The following PER1 variants were observed in gnomAD, a reference collection of about 807,000 sequenced individuals.
PER1 encodes period circadian protein homolog 1.
PER1 carries 87 observed loss-of-function variants against 125.9 expected under a neutral mutation model. The observed-to-expected ratio is 0.69, with a 90% CI of 0.58 to 0.83. The LOEUF (loss-of-function observed/expected upper bound fraction) is 0.83, where lower values mean the gene tolerates loss of function less well. Ranked by LOEUF, PER1 falls within the 40% of genes least tolerant of loss-of-function variation. The pLI is 0.00. For synonymous variants in PER1, 801 were observed against 714.7 expected, an observed-to-expected ratio of 1.12 and a Z score of -1.93; for missense variants, 1,775 against 1,722.8, an observed-to-expected ratio of 1.03 and a Z score of -0.54.
Position 8,150,432 on chromosome 17 carries a change from C to G in PER1, c.275G>C (p.Ser92Thr). 3 of 1,609,242 alleles carry G rather than the reference C, an allele frequency of 1.9e-6. No individual in the cohort carries two copies. Among genetic ancestry groups the G allele is most frequent in the Non-Finnish European group, 2.5e-6 (3 of 1,177,270 alleles). ...ALLETTESSK[S>T]TNSQSPSPPS... Reference sequence around the variant, plus strand: ...ACCCAACATACACATCCATACACACCTCTTGCTGCTCTCAGTGGTCTCCAG... The same window carrying G: ...ACCCAACATACACATCCATACACACGTCTTGCTGCTCTCAGTGGTCTCCAG... Residue 92 changes from serine (S) to threonine (T), a missense_variant and splice_region_variant, in exon 2 of 23, where the codon AGC (serine) becomes ACC (threonine). By Grantham distance (58) the Ser-to-Thr change is moderately conservative (BLOSUM62 1). Transcript: ENST00000317276.
chr17:8,145,464 C>G (rs1329242032), intron 17 of PER1, among the ~76,000 whole-genome samples: 1 of 151,936 alleles, frequency 6.6e-6, no homozygotes, highest in African/African-American at 2.4e-5. Flanking sequence ...GCTGGGACTA[C>G]AGGCGCGCGC....
At chr17:8,149,213 CAAAAAA>C (rs78404230) in intron 7 of PER1, 40 bp downstream of exon 7, 3 of 381,004 alleles carry the variant, frequency 7.9e-6, no homozygotes, top group African/African-American at 9.1e-5. Context: ...AAAACAAAAA[CAAAAAA>C]AAAAGGAGGC....
rs1982796207 is a variant in PER1 at position 8,150,590 on chromosome 17, G to A, written c.117C>T (p.Pro39=). ...TGGCATCGGTGTCATCGGCCAGGCT[G>A]GGGCCTGGGCAAGGCCGGTGCTGTG... is the stretch of plus-strand genomic sequence containing the variant. ...GPPQHRPCPG[P]SLADDTDANS... Residue 39 remains proline (P), a synonymous_variant, in exon 2 of 23, where the codon CCC becomes CCT. Transcript: ENST00000317276. 6.2e-7 allele frequency: 1 copy of A among 1,614,014 alleles called. No homozygotes were observed. Among genetic ancestry groups the A allele is most frequent in the Non-Finnish European group, 8.5e-7 (1 of 1,179,984 alleles).
chr17:8,147,028 C>T, intron 13 of PER1, 26 bp from the exon 14 acceptor site: 1 of 1,585,044 alleles, frequency 6.3e-7, no homozygotes, highest in Admixed American at 1.7e-5. Flanking sequence ...CCACAGTGAG[C>T]AGAACCAGGG....
chr17:8,148,639 C>T lies in PER1; in HGVS notation c.1048+5G>A, dbSNP rs1982613675. On this transcript the variant is annotated splice_donor_5th_base_variant and intron_variant, in intron 8 of 22. Coordinates refer to ENST00000317276, the MANE Select transcript of PER1 (RefSeq NM_002616.3). Reference sequence around the variant, plus strand: ...CCCACCAGGCCAGGGCCCTGACCTGCCCACCTTCGTAACCCGAATGGATGC... The same window carrying T: ...CCCACCAGGCCAGGGCCCTGACCTGTCCACCTTCGTAACCCGAATGGATGC... 6.2e-7 allele frequency: 1 copy of T among 1,600,624 alleles called. No homozygotes were observed. Among genetic ancestry groups the T allele is most frequent in the Non-Finnish European group, 8.5e-7 (1 of 1,174,942 alleles).
In PER1 at chr17:8,146,952, G is replaced by T. The variant is rs1304392074; in HGVS notation, c.1680C>A (p.Gly560=). ...CKDVHLVKHQ[G]QQLFIESRAR... ...CCCGAGACTCAATAAAAAGCTGCTGGCCCTGGTGCTTCACCAGATGCACAT... is the reference window on the plus strand; with the variant it reads ...CCCGAGACTCAATAAAAAGCTGCTGTCCCTGGTGCTTCACCAGATGCACAT... The change falls in exon 14 of 23, where the codon GGC becomes GGA. Residue 560 remains glycine (G), a synonymous_variant. Coordinates refer to ENST00000317276, the MANE Select transcript of PER1 (RefSeq NM_002616.3). The T allele has an allele frequency of 1.9e-6, 3 of 1,614,122 alleles. No homozygotes were observed. Among genetic ancestry groups the T allele is most frequent in the Non-Finnish European group, 2.5e-6 (3 of 1,180,010 alleles).
rs771151182 is a variant in PER1, at chr17:8,142,279, C to T, written c.3439G>A (p.Val1147Met). The change falls in exon 21 of 23, where the codon GTG becomes ATG. Residue 1147 changes from valine to methionine, a missense_variant. Coordinates refer to ENST00000317276, the MANE Select transcript of PER1 (RefSeq NM_002616.3). Reference protein sequence around the residue: ...ADQRVMMTYQVPSRDMTSVLK... With the variant: ...ADQRVMMTYQMPSRDMTSVLK... ...TCTGAAATGCCTCACCTGGAGGGCA[C>T]CTGGTAGGTCATCATGACGCGCTGG... 2.5e-6 allele frequency: 4 copies of T among 1,597,382 alleles called. No homozygotes were observed. The highest frequency in any genetic ancestry group is 1.7e-5 in the Admixed American group (1 of 57,524).
At chr17:8,149,378 AG>A in intron 6 of PER1, 68 bp from the exon 7 acceptor site, 1 of 1,607,344 alleles carries the variant, frequency 6.2e-7, no homozygotes, top group Non-Finnish European at 8.5e-7. Context: ...GAATCCACTA[AG>A]GGAAAGTCTG....
intron 19 of PER1, 129 bp from the exon 20 acceptor site, chr17:8,142,964 T>C (rs968230822): frequency 8.4e-6 from 6 of 717,128 alleles, no homozygotes; most frequent in African/African-American, 7.1e-5. Context: ...TTCGTGACAG[T>C]AGGGCCAGGC....
chr17:8,147,504 T>C lies in PER1; in HGVS notation c.1463A>G (p.Glu488Gly). The stretch of plus-strand genomic sequence containing the variant: ...CAGCCGGTGGATCTGCTCTGACAGC[T>C]CCTGGATATCAGTGTCCAGGGAGGG... ...PAPSLDTDIQELSEQIHRLLL... is the reference protein window; with the variant it reads ...PAPSLDTDIQGLSEQIHRLLL... Residue 488 changes from glutamate to glycine, a missense_variant, in exon 12 of 23, where the codon GAG becomes GGG. Transcript: ENST00000317276. The C allele has an allele frequency of 6.2e-7, 1 of 1,613,848 alleles. No homozygotes were observed. The highest frequency in any genetic ancestry group is 1.1e-5 in the South Asian group (1 of 91,076).
At chr17:8,151,448 G>A (rs111689811) in intron 1 of PER1, among the ~76,000 whole-genome samples, 2,223 of 152,188 alleles carry the variant, frequency 0.015, 56 homozygotes, top group African/African-American at 0.05. Context: ...CGCGGCCGGG[G>A]GGGTCACGCA....
At chr17:8,141,602 C>T (rs1982081498) in intron 22 of PER1, among the ~76,000 whole-genome samples, 1 of 152,066 alleles carries the variant, frequency 6.6e-6, no homozygotes, top group Non-Finnish European at 1.5e-5. Context: ...GCTTAATATT[C>T]TATAATCCAC....
rs200801537 is a variant in PER1, at chr17:8,143,862, G to A, written c.2476C>T (p.Pro826Ser). 15 of 1,610,136 alleles carry A rather than the reference G, an allele frequency of 9.3e-6. No homozygotes were observed. In the Admixed American group the frequency reaches 2.3e-4, roughly 25 times the overall value. ...ALGERGCHHG[P>S]APPSRRHHCR... ...TGGTGTCGGCGGCTTGGGGGTGCGG[G>A]GCCGTGGTGGCAGCCTGTGGGGAGA... Residue 826 changes from proline to serine, a missense_variant, in exon 19 of 23, where the codon CCC becomes TCC. Pro to Ser is a moderately conservative substitution (Grantham distance 74, BLOSUM62 -1). Coordinates refer to ENST00000317276, the MANE Select transcript of PER1 (RefSeq NM_002616.3).
Position 8,150,514 on chromosome 17 carries a change from C to A in PER1, c.193G>T (p.Ala65Ser), listed in dbSNP as rs1222654369. The change falls in exon 2 of 23, where the codon GCA becomes TCA. Residue 65 changes from alanine to serine, a missense_variant. By Grantham distance (99) the Ala-to-Ser change is moderately conservative. Transcript: ENST00000317276. Reference protein sequence around the residue: ...NESNGHESRGASQRSSHSSSS... With the variant: ...NESNGHESRGSSQRSSHSSSS... ...GAGCTGTGTGAGCTCCGCTGAGATG[C>A]GCCTCTAGACTCATGCCCGTTGGAC... 1.9e-6 allele frequency: 3 copies of A among 1,614,138 alleles called. No individual in the cohort carries two copies. Among genetic ancestry groups the A allele is most frequent in the East Asian group, 2.2e-5 (1 of 44,892 alleles).
In PER1 at chr17:8,147,282, C is replaced by A. The variant is rs201386026; in HGVS notation, c.1597G>T (p.Gly533Cys). 6 of 1,612,782 alleles carry A rather than the reference C, an allele frequency of 3.7e-6. No homozygotes were observed. In the East Asian group the frequency reaches 1.3e-4, roughly 36 times the overall value. ...GGAGGCCCAGGCCCCTCTGCATCAC[C>A]CCCGTTGCTATCACTGGAGGACCCA... ...SPGSSSDSNG[G>C]DAEGPGPPAP... Residue 533 changes from glycine (G) to cysteine (C), a missense_variant, in exon 13 of 23, where the codon GGT becomes TGT. Transcript: ENST00000317276.
At chr17:8,151,491 G>A (rs915316745) in intron 1 of PER1, among the ~76,000 whole-genome samples, 1 of 152,144 alleles carries the variant, frequency 6.6e-6, no homozygotes, top group East Asian at 1.9e-4. Context: ...AGGATGGCTC[G>A]GTGGCCGTAA....
rs1405653155 is a variant in PER1, at chr17:8,146,432, A to T, written c.1978T>A (p.Ser660Thr). The T allele has an allele frequency of 6.2e-7, 1 of 1,613,424 alleles. No individual in the cohort carries two copies. Among genetic ancestry groups the T allele is most frequent in the African/African-American group, 1.3e-5 (1 of 74,840 alleles). The change falls in exon 16 of 23, where the codon TCC (serine) becomes ACC (threonine). Residue 660 changes from serine (S) to threonine (T), a missense_variant. Coordinates refer to ENST00000317276, the MANE Select transcript of PER1 (RefSeq NM_002616.3). ...TGCCTGTCGTCGTCAGAGGCTGAGG[A>T]GGTGGTATAGGAGGAGGAGGAGGCA... ...KCASSSSYTT[S>T]SASDDDRQRT...
rs376207586 is a variant in PER1, at chr17:8,143,318, C to G, written c.3020G>C (p.Ser1007Thr). The stretch of plus-strand genomic sequence containing the variant: ...CGCACTGGGAGGTGGGGGCCCGGCA[C>G]TGCTCCCAGGGCCTCCTGCAACAGC... ...GAAVAGGPGS[S>T]AGPPPPSAEA... The change falls in exon 19 of 23, where the codon AGT becomes ACT. Residue 1007 changes from serine to threonine, a missense_variant. By Grantham distance (58) the Ser-to-Thr change is moderately conservative. Transcript: ENST00000317276. 4 of 1,599,068 alleles carry G rather than the reference C, an allele frequency of 2.5e-6. No homozygotes were observed. The highest frequency in any genetic ancestry group is 2.7e-5 in the African/African-American group (2 of 74,694).
chr17:8,148,288 T>G, intron 8 of PER1, 29 bp from the exon 9 acceptor site: 1 of 1,590,238 alleles, frequency 6.3e-7, no homozygotes, highest in Non-Finnish European at 8.6e-7. Flanking sequence ...GGTCACTGGG[T>G]TTCGTCCAGA....
Sources: gnomAD v4.1 joint callset for allele counts (sites outside exome capture counted in the v4.1 genomes callset) on GRCh38, gnomAD v4.1.1 for gene constraint, MANE v1.5 for transcripts, NCBI Gene and HGNC (gene_info 2026-07-23, HGNC 2026-07-21) for gene names.